Variants in PTPRN2 observed in about 807,000 individuals in gnomAD.
PTPRN2 encodes the protein receptor-type tyrosine-protein phosphatase N2.
In PTPRN2, 74 loss-of-function variants were observed where a neutral mutation model predicts 118.8. The observed-to-expected ratio is 0.62, with a 90% CI of 0.52 to 0.76. The LOEUF is 0.76. PTPRN2 is among the 30% of genes least tolerant of loss of function. The probability of loss-of-function intolerance (pLI) is 0.00; values close to 1 mark genes in which losing one functional copy is unlikely to be tolerated. For missense variants in PTPRN2, 1,481 were observed against 1,394.4 expected (o/e 1.06, Z -0.99); for synonymous variants, 641 against 608.0 (o/e 1.05, Z -0.80).
In PTPRN2 at chr7:157,632,511, A is replaced by C. The variant is rs556444848; in HGVS notation, c.2197-11002T>G. On this transcript the variant is annotated intron_variant, in intron 14 of 22. Coordinates refer to ENST00000389418, the MANE Select transcript of PTPRN2 (RefSeq NM_002847.5). This position sits in a 1 kb window ranked among gnomAD's most constrained non-coding sequence, Gnocchi z 4.3. ...TCCTTACCACCTACTCTTACTAAGT[A>C]GGGGAAAGTCTTGTTCTTTCATACG... Among the ~76,000 whole-genome samples the C allele has an allele frequency of 6.6e-6, 1 of 152,334 alleles. No homozygotes were observed. Among genetic ancestry groups the C allele is most frequent in the Admixed American group, 6.5e-5 (1 of 15,294 alleles).
At chr7:158,168,457 G>T (rs1823233056) in intron 5 of PTPRN2, among the ~76,000 whole-genome samples, 1 of 152,060 alleles carries the variant, frequency 6.6e-6, no homozygotes, top group Non-Finnish European at 1.5e-5. Context: ...TGTATTTTTT[G>T]CCTGCACTGG....
At chr7:157,816,465 ACG>A (rs1256561511) in intron 12 of PTPRN2, among the ~76,000 whole-genome samples, 1 of 152,242 alleles carries the variant, frequency 6.6e-6, no homozygotes, top group Non-Finnish European at 1.5e-5. Context: ...GAGTGGCCAC[ACG>A]GAGCAGAGCC....
chr7:157,997,082 G>A (rs1186814196), intron 11 of PTPRN2, among the ~76,000 whole-genome samples: 1 of 152,220 alleles, frequency 6.6e-6, no homozygotes, highest in Non-Finnish European at 1.5e-5. Context: ...TCGGCCCCAG[G>A]TCCCCTGACG....
At chr7:157,758,446 C>T (rs60519866) in intron 12 of PTPRN2, among the ~76,000 whole-genome samples, 2,462 of 152,314 alleles carry the variant, frequency 0.016, 67 homozygotes, top group African/African-American at 0.055. Context: ...TCAGCTCAGC[C>T]GGGCTGGGAC....
intron 12 of PTPRN2, among the ~76,000 whole-genome samples, chr7:157,760,002 C>T (rs1177385987): frequency 1.3e-5 from 2 of 152,224 alleles, no homozygotes; most frequent in East Asian, 3.9e-4. Context: ...CAGCCCCTAC[C>T]TGTCAGGGGG....
chr7:158,246,249 A>T lies in PTPRN2; in HGVS notation c.278-40976T>A, dbSNP rs567563615. ...ATGAATAAAATTATCACTTGAAAAA[A>T]CTCATCACTTGAAGGAAGAGGGGGA... On this transcript the variant is annotated intron_variant, in intron 3 of 22. Coordinates refer to ENST00000389418, the MANE Select transcript of PTPRN2 (RefSeq NM_002847.5). 2.6e-5 allele frequency among the ~76,000 whole-genome samples: 4 copies of T among 151,692 alleles called. No homozygotes were observed. The East Asian group carries it at 7.8e-4, about 29-fold the overall frequency.
At chr7:157,950,077 T>A (rs548605312) in intron 11 of PTPRN2, among the ~76,000 whole-genome samples, 70 of 152,330 alleles carry the variant, frequency 4.6e-4, no homozygotes, top group African/African-American at 1.7e-3. Flanking sequence ...GGTAAAAAAA[T>A]TTAAAATAAA....
rs139030426 is a variant in PTPRN2 at position 158,318,265 on chromosome 7, G to T, written c.164-1333C>A. On this transcript the variant is annotated intron_variant, in intron 2 of 22. Transcript: ENST00000389418. The stretch of plus-strand genomic sequence containing the variant: ...TTCAGTGCAAGCAGGAGTGGGAAAG[G>T]GGGGAGGAGGGAGAAAGGGGCAAAG... Among the ~76,000 whole-genome samples, 312 of 152,338 alleles carry T rather than the reference G, an allele frequency of 2.0e-3. 2 individuals are homozygous for T. Among genetic ancestry groups the T allele is most frequent in the Middle Eastern group, 6.8e-3 (2 of 294 alleles).
chr7:158,297,303 T>C (rs1563101468), intron 3 of PTPRN2, among the ~76,000 whole-genome samples: 1 of 152,234 alleles, frequency 6.6e-6, no homozygotes, highest in Non-Finnish European at 1.5e-5. Flanking sequence ...GTTAACAATC[T>C]GGGAACCTAT....
At chr7:158,371,069 C>A (rs1469510760) in intron 2 of PTPRN2, among the ~76,000 whole-genome samples, 1 of 152,096 alleles carries the variant, frequency 6.6e-6, no homozygotes, top group Non-Finnish European at 1.5e-5. Flanking sequence ...TAATCTCACT[C>A]GGTCATAACG....
intron 3 of PTPRN2, among the ~76,000 whole-genome samples, chr7:158,287,599 T>G (rs527554222): frequency 6.6e-6 from 1 of 152,140 alleles, no homozygotes; most frequent in Admixed American, 6.5e-5. Flanking sequence ...AGAAGCATGT[T>G]GTTCAATTTC....
At chr7:158,204,602 G>A (rs1042059182) in intron 4 of PTPRN2, among the ~76,000 whole-genome samples, 2 of 151,992 alleles carry the variant, frequency 1.3e-5, no homozygotes, top group African/African-American at 4.8e-5. Context: ...CTTTCTTACT[G>A]TGGTTTGTCT....
intron 11 of PTPRN2, among the ~76,000 whole-genome samples, chr7:158,018,864 G>A (rs1806634803): frequency 6.6e-6 from 1 of 151,304 alleles, no homozygotes; most frequent in Non-Finnish European, 1.5e-5. Context: ...GGGAGGCTGA[G>A]GCAGGAGAAT....
intron 2 of PTPRN2, among the ~76,000 whole-genome samples, chr7:158,358,668 C>A (rs1246017999): frequency 6.6e-6 from 1 of 152,204 alleles, no homozygotes; most frequent in African/African-American, 2.4e-5. Flanking sequence ...CTGCACCAGC[C>A]CTGAGCACGC....
intron 3 of PTPRN2, among the ~76,000 whole-genome samples, chr7:158,214,026 T>C (rs1296384140): frequency 6.6e-6 from 1 of 152,142 alleles, no homozygotes; most frequent in Admixed American, 6.5e-5. Context: ...GAGAGGACCC[T>C]GTATACCTTA....
chr7:158,092,236 A>G (rs1814245628), intron 10 of PTPRN2, among the ~76,000 whole-genome samples: 1 of 150,114 alleles, frequency 6.7e-6, no homozygotes. Context: ...ATATGTATAT[A>G]TATGCATACA....
chr7:158,523,572 T>C (rs1415113051), intron 1 of PTPRN2, among the ~76,000 whole-genome samples: 1 of 108,884 alleles, frequency 9.2e-6, no homozygotes, highest in Non-Finnish European at 1.8e-5. Context: ...AGTGGAGTCG[T>C]CTGCCCTGGA....
At chr7:158,019,350 T>C (rs900014760) in intron 11 of PTPRN2, among the ~76,000 whole-genome samples, 1 of 152,372 alleles carries the variant, frequency 6.6e-6, no homozygotes, top group Admixed American at 6.5e-5. Context: ...AAATAGCACA[T>C]GGATAGGACA....
chr7:158,142,961 T>C (rs1324288881), intron 6 of PTPRN2, among the ~76,000 whole-genome samples: 1 of 152,156 alleles, frequency 6.6e-6, no homozygotes, highest in East Asian at 1.9e-4. Context: ...GTTTTGAAAA[T>C]GTGCTGCTCA....
Sources: gnomAD v4.1 joint callset for allele counts (sites outside exome capture counted in the v4.1 genomes callset) on GRCh38, gnomAD v4.1.1 for gene constraint, Gnocchi (gnomAD v3.1) non-coding constraint, MANE v1.5 for transcripts, NCBI Gene and HGNC (gene_info 2026-07-23, HGNC 2026-07-21) for gene names.